The following NRXN1 variants were observed in gnomAD, a reference collection of about 807,000 sequenced individuals.
NRXN1 encodes the protein neurexin 1, also known as neurexin-1.
Under a neutral mutation model 150.9 loss-of-function variants are expected in NRXN1, and 39 were observed. The observed-to-expected ratio is 0.26, with a 90% confidence interval of 0.20 to 0.34. The LOEUF (loss-of-function observed/expected upper bound fraction) is 0.34, where lower values mean the gene tolerates loss of function less well. NRXN1 is among the 10% of genes least tolerant of loss of function. NRXN1 has a pLI of 1.00. For synonymous variants in NRXN1, 924 were observed against 757.0 expected (o/e 1.22, Z -3.62); for missense variants, 1,815 against 1,949.9 (o/e 0.93, Z 1.30).
At chr2:50,385,187 T>C (rs1382632234) in intron 17 of NRXN1, among the ~76,000 whole-genome samples, 1 of 152,208 alleles carries the variant, frequency 6.6e-6, no homozygotes, top group East Asian at 1.9e-4. Context: ...ATTTTAAAAA[T>C]GGGATTGTTT....
intron 14 of NRXN1, 88 bp downstream of exon 14, chr2:50,497,245 G>A: frequency 9.6e-7 from 1 of 1,036,496 alleles, no homozygotes; most frequent in East Asian, 2.5e-5. Flanking sequence ...TTATGAGCCA[G>A]TATGTTCTTC....
intron 5 of NRXN1, among the ~76,000 whole-genome samples, chr2:50,657,164 A>G (rs1389030998): frequency 1.3e-5 from 2 of 151,946 alleles, no homozygotes; most frequent in African/African-American, 4.8e-5. Flanking sequence ...CTCATCTTCA[A>G]TACTACCCTA....
At chr2:50,778,010 C>T (rs1010867188) in intron 5 of NRXN1, among the ~76,000 whole-genome samples, 1 of 152,148 alleles carries the variant, frequency 6.6e-6, no homozygotes, top group Non-Finnish European at 1.5e-5. Flanking sequence ...GACCTGTGTA[C>T]TGTGTTATTC....
chr2:49,983,794 T>C (rs981316678), intron 21 of NRXN1, among the ~76,000 whole-genome samples: 14 of 152,194 alleles, frequency 9.2e-5, no homozygotes, highest in Admixed American at 5.9e-4. Flanking sequence ...TAACAAAATA[T>C]AATCAATAAT....
At chr2:50,774,965 G>C (rs1375083180) in intron 5 of NRXN1, among the ~76,000 whole-genome samples, 3 of 152,068 alleles carry the variant, frequency 2.0e-5, no homozygotes, top group Non-Finnish European at 4.4e-5. Flanking sequence ...TATTCATACT[G>C]ATTACATATA....
Position 50,015,849 on chromosome 2 carries a change from C to G in NRXN1, c.4128+37422G>C, listed in dbSNP as rs1052071900. On this transcript the variant is annotated intron_variant, in intron 21 of 22. Transcript: ENST00000401669. ...CTACCTGTGAAATCTGAGACTCTGC[C>G]TTTTCATCTATAAAATGGGATAAAA... Among the ~76,000 whole-genome samples the G allele has an allele frequency of 1.1e-4, 16 of 152,164 alleles. No homozygotes were observed. The South Asian group carries it at 1.2e-3, about 12-fold the overall frequency.
chr2:50,140,899 T>C (rs1280015774), intron 18 of NRXN1, among the ~76,000 whole-genome samples: 1 of 152,012 alleles, frequency 6.6e-6, no homozygotes, highest in Non-Finnish European at 1.5e-5. Context: ...TGTGTTCGTG[T>C]GTGTGTGTAT....
chr2:50,050,091 T>C (rs1692453771), intron 21 of NRXN1, among the ~76,000 whole-genome samples: 1 of 151,740 alleles, frequency 6.6e-6, no homozygotes, highest in African/African-American at 2.4e-5. Flanking sequence ...TATTATTTCT[T>C]GATATAAATC....
At chr2:50,664,651 G>C (rs546613304) in intron 5 of NRXN1, among the ~76,000 whole-genome samples, 1 of 151,752 alleles carries the variant, frequency 6.6e-6, no homozygotes, top group African/African-American at 2.4e-5. Context: ...GCATAGAAAA[G>C]CTAGCTAGCT....
intron 21 of NRXN1, among the ~76,000 whole-genome samples, chr2:49,945,391 C>CT (rs200640344): frequency 0.032 from 4,537 of 140,606 alleles, 157 homozygotes; most frequent in African/African-American, 0.087. Context: ...GGGGTTTTCT[C>CT]TTTTTTTTTT....
At chr2:49,934,744 C>G (rs1670714592) in intron 22 of NRXN1, among the ~76,000 whole-genome samples, 1 of 152,062 alleles carries the variant, frequency 6.6e-6, no homozygotes, top group Non-Finnish European at 1.5e-5. Flanking sequence ...AGGAAGGAAG[C>G]AGGAAAGTTA....
intron 19 of NRXN1, among the ~76,000 whole-genome samples, chr2:50,068,142 C>T (rs1695648327): frequency 6.6e-6 from 1 of 152,078 alleles, no homozygotes; most frequent in South Asian, 2.1e-4. Flanking sequence ...ACTTCAATCT[C>T]TCTCTTCCAG....
chr2:50,286,923 C>T (rs565764032), intron 17 of NRXN1, among the ~76,000 whole-genome samples: 1 of 152,030 alleles, frequency 6.6e-6, no homozygotes, highest in South Asian at 2.1e-4. Context: ...GCTTCTTCCT[C>T]TTCTTCCTGT....
chr2:50,642,339 T>C (rs1373357412), intron 5 of NRXN1, among the ~76,000 whole-genome samples: 1 of 152,036 alleles, frequency 6.6e-6, no homozygotes, highest in Non-Finnish European at 1.5e-5. Context: ...TGAGATACAT[T>C]TCATTACAAG....
chr2:50,651,006 T>G (rs1206906370), intron 5 of NRXN1, among the ~76,000 whole-genome samples: 4 of 152,064 alleles, frequency 2.6e-5, no homozygotes, highest in Non-Finnish European at 5.9e-5. Flanking sequence ...TCAAGTGAAT[T>G]GATGGATTAT....
At chr2:50,951,210 A>G (rs1230960836) in intron 2 of NRXN1, among the ~76,000 whole-genome samples, 1 of 152,126 alleles carries the variant, frequency 6.6e-6, no homozygotes, top group Non-Finnish European at 1.5e-5. Flanking sequence ...AGGGGATGAG[A>G]TGAGAGGAGA....
intron 22 of NRXN1, among the ~76,000 whole-genome samples, chr2:49,934,789 C>T (rs1417984737): frequency 6.6e-6 from 1 of 152,078 alleles, no homozygotes; most frequent in African/African-American, 2.4e-5. Context: ...CTCCCTTTCT[C>T]TCTCTCTCTC....
At chr2:50,209,142 A>T (rs2062828622) in intron 18 of NRXN1, among the ~76,000 whole-genome samples, 2 of 152,148 alleles carry the variant, frequency 1.3e-5, no homozygotes, top group South Asian at 4.1e-4. Context: ...AAGTATTTCT[A>T]TAGCCTTCAC....
chr2:50,385,478 G>A (rs1176147182), intron 17 of NRXN1, among the ~76,000 whole-genome samples: 1 of 152,154 alleles, frequency 6.6e-6, no homozygotes, highest in Non-Finnish European at 1.5e-5. Context: ...TTAAGCTAAT[G>A]AAACGCATGT....
Sources: allele counts gnomAD v4.1 joint callset (sites outside exome capture counted in the v4.1 genomes callset), GRCh38; gene constraint gnomAD v4.1.1; transcripts MANE v1.5; gene names NCBI Gene and HGNC (gene_info 2026-07-23, HGNC 2026-07-21).